Variants in MTSS1 observed in about 807,000 individuals in gnomAD.
The protein encoded by MTSS1 is MTSS I-BAR domain containing 1.
A neutral mutation model predicts 79.0 loss-of-function variants in MTSS1; 18 were observed. The ratio of observed to expected loss-of-function variants is 0.23; its 90% CI spans 0.16 to 0.34. MTSS1 has a LOEUF of 0.34. MTSS1 is among the 10% of genes least tolerant of loss of function. MTSS1 has a pLI of 1.00. For missense variants in MTSS1, 815 were observed against 986.2 expected (o/e 0.83, Z 2.33); for synonymous variants, 341 against 368.6 (o/e 0.93, Z 0.86).
At chr8:124,662,577 C>A (rs977906333) in intron 3 of MTSS1, among the ~76,000 whole-genome samples, 1 of 152,112 alleles carries the variant, frequency 6.6e-6, no homozygotes, top group African/African-American at 2.4e-5. Flanking sequence ...CCTGACGCAC[C>A]CTCTGAAGAC....
chr8:124,704,300 C>T (rs1587896781), intron 1 of MTSS1, 109 bp from the exon 2 acceptor site: 5 of 978,268 alleles, frequency 5.1e-6, no homozygotes, highest in African/African-American at 4.8e-5. Context: ...TGTATGTTCT[C>T]TTCCTTTGCA....
intron 1 of MTSS1, among the ~76,000 whole-genome samples, chr8:124,720,624 A>T (rs1241316963): frequency 6.6e-6 from 1 of 152,092 alleles, no homozygotes; most frequent in Non-Finnish European, 1.5e-5. Context: ...TTTGTAATGA[A>T]CTCAGGGGCG....
chr8:124,596,592 CTGAG>C (rs1832808109), intron 3 of MTSS1, among the ~76,000 whole-genome samples: 1 of 152,204 alleles, frequency 6.6e-6, no homozygotes, highest in African/African-American at 2.4e-5. Flanking sequence ...CAAGCGTCCA[CTGAG>C]TATTTGTATT....
intron 3 of MTSS1, among the ~76,000 whole-genome samples, chr8:124,696,376 A>T (rs1050847430): frequency 6.6e-6 from 1 of 152,178 alleles, no homozygotes; most frequent in African/African-American, 2.4e-5. Flanking sequence ...GACACTTACT[A>T]AGAAGGACAT....
chr8:124,630,158 TG>T (rs1324837249), intron 3 of MTSS1, among the ~76,000 whole-genome samples: 4 of 152,248 alleles, frequency 2.6e-5, no homozygotes, highest in Non-Finnish European at 5.9e-5. Flanking sequence ...CTACCTCCCC[TG>T]GAAGAGGTCA....
At chr8:124,668,016 G>A (rs1247123640) in intron 3 of MTSS1, among the ~76,000 whole-genome samples, 1 of 151,846 alleles carries the variant, frequency 6.6e-6, no homozygotes, top group East Asian at 1.9e-4. Flanking sequence ...TGAGTTCAGA[G>A]GGTCAAGGCT....
chr8:124,659,198 G>A (rs900829964), intron 3 of MTSS1, among the ~76,000 whole-genome samples: 4 of 152,160 alleles, frequency 2.6e-5, no homozygotes, highest in Non-Finnish European at 5.9e-5. Flanking sequence ...ACAATAAAAA[G>A]TGCATTATTA....
rs759606622 is a variant in MTSS1, at chr8:124,563,164, C to T, written c.825-172G>A. ...CAGTGCAAACCACAAAACACGTTTT[C>T]AAAACACCAAATCATGAAGGTAGTC... On this transcript the variant is annotated intron_variant, in intron 9 of 13. Coordinates refer to ENST00000518547, the MANE Select transcript of MTSS1 (RefSeq NM_014751.6). Among the ~76,000 whole-genome samples, 4 of 152,146 alleles carry T rather than the reference C, an allele frequency of 2.6e-5. No individual in the cohort carries two copies. In the South Asian group the frequency reaches 8.3e-4, roughly 32 times the overall value.
chr8:124,717,963 C>T (rs1216893247), intron 1 of MTSS1, among the ~76,000 whole-genome samples: 1 of 152,150 alleles, frequency 6.6e-6, no homozygotes, highest in Non-Finnish European at 1.5e-5. Context: ...CAAAGCAGTG[C>T]AACACCACAC....
chr8:124,654,512 G>C (rs1820589962), intron 3 of MTSS1, among the ~76,000 whole-genome samples: 1 of 152,070 alleles, frequency 6.6e-6, no homozygotes, highest in African/African-American at 2.4e-5. Context: ...CAAAATTCTG[G>C]AGAATTTTAA....
intron 3 of MTSS1, among the ~76,000 whole-genome samples, chr8:124,676,931 CATA>C (rs1825398174): frequency 6.6e-6 from 1 of 152,108 alleles, no homozygotes; most frequent in Admixed American, 6.5e-5. Flanking sequence ...TCATTGTATA[CATA>C]ATAAAGTCAG....
chr8:124,580,163 C>G (rs935360127), intron 6 of MTSS1: 1 of 107,212 alleles, frequency 9.3e-6, no homozygotes, highest in Non-Finnish European at 2.1e-5. Flanking sequence ...TATTTTGAGG[C>G]TTGCAGCTCT....
chr8:124,570,593 T>G (rs1231124368), intron 6 of MTSS1, among the ~76,000 whole-genome samples: 2 of 152,196 alleles, frequency 1.3e-5, no homozygotes, highest in African/African-American at 4.8e-5. Flanking sequence ...TATGTAAGGT[T>G]CGGGTACTAT....
intron 3 of MTSS1, among the ~76,000 whole-genome samples, chr8:124,678,770 C>G (rs1262514631): frequency 6.6e-6 from 1 of 152,190 alleles, no homozygotes; most frequent in Non-Finnish European, 1.5e-5. Flanking sequence ...TCTCATTCAA[C>G]AAAGGTTTTA....
At chr8:124,626,631 C>T (rs1041481231) in intron 3 of MTSS1, among the ~76,000 whole-genome samples, 10 of 151,810 alleles carry the variant, frequency 6.6e-5, no homozygotes, top group Non-Finnish European at 1.2e-4. Flanking sequence ...TTCAACAAGG[C>T]GGTTTGTGGG....
In MTSS1 at chr8:124,563,010, G is replaced by T; in HGVS notation, c.825-18C>A. 6.3e-7 allele frequency: 1 copy of T among 1,589,018 alleles called. No homozygotes were observed. The highest frequency in any genetic ancestry group is 1.1e-5 in the South Asian group (1 of 88,008). On this transcript the variant is annotated intron_variant, in intron 9 of 13. Coordinates refer to ENST00000518547, the MANE Select transcript of MTSS1 (RefSeq NM_014751.6). ...TCAGGCTGCTGTGGAGGACAAGCAGGGGTGAGGGGTGGGCACGGAAGGTAA... is the reference window on the plus strand; with the variant it reads ...TCAGGCTGCTGTGGAGGACAAGCAGTGGTGAGGGGTGGGCACGGAAGGTAA...
intron 3 of MTSS1, among the ~76,000 whole-genome samples, chr8:124,654,990 T>A (rs545585368): frequency 5.3e-5 from 8 of 152,368 alleles, no homozygotes; most frequent in Non-Finnish European, 1.0e-4. Context: ...TAATATTGCT[T>A]TAATATCAAA....
rs1587077425 is a variant in MTSS1 at position 124,593,300 on chromosome 8, C to G, written c.209-2065G>C. Among the ~76,000 whole-genome samples, 4 of 152,216 alleles carry G rather than the reference C, an allele frequency of 2.6e-5. No homozygotes were observed. In the South Asian group the frequency reaches 8.3e-4, roughly 32 times the overall value. ...ACACAAGGAAACTGGCACACTCACTCACTGATGGTAAGAGTGTAAACTACT... is the reference window on the plus strand; with the variant it reads ...ACACAAGGAAACTGGCACACTCACTGACTGATGGTAAGAGTGTAAACTACT... On this transcript the variant is annotated intron_variant, in intron 3 of 13. Transcript: ENST00000518547.
chr8:124,564,638 T>C (rs1173272474), intron 9 of MTSS1: 1 of 151,080 alleles, frequency 6.6e-6, no homozygotes, highest in Non-Finnish European at 1.5e-5. Flanking sequence ...GCAACTTTGT[T>C]TTACACTAAT....
Sources: gnomAD v4.1 joint callset for allele counts (sites outside exome capture counted in the v4.1 genomes callset) on GRCh38, gnomAD v4.1.1 for gene constraint, MANE v1.5 for transcripts, NCBI Gene and HGNC (gene_info 2026-07-23, HGNC 2026-07-21) for gene names.